Variants in MTA3 observed in about 807,000 individuals in gnomAD.
The protein encoded by MTA3 is metastasis-associated protein MTA3.
In MTA3, 34 loss-of-function variants were observed where a neutral mutation model predicts 83.5. That is an observed-to-expected ratio of 0.41 (90% CI 0.31 to 0.54). MTA3 has a LOEUF of 0.54. MTA3 is among the 20% of genes least tolerant of loss of function. The pLI is 0.33. For missense variants in MTA3, 761 were observed against 726.4 expected (o/e 1.05, Z -0.55); for synonymous variants, 303 against 252.7 (o/e 1.20, Z -1.89).
At chr2:42,650,967 A>G (rs1204756553) in intron 6 of MTA3, among the ~76,000 whole-genome samples, 1 of 152,202 alleles carries the variant, frequency 6.6e-6, no homozygotes, top group Non-Finnish European at 1.5e-5. Context: ...TGCCAACATC[A>G]TAGAGCGTAA....
chr2:42,720,866 C>T lies in MTA3; in HGVS notation c.1612+1792C>T, dbSNP rs185847584. Among the ~76,000 whole-genome samples, 67 of 147,542 alleles carry T rather than the reference C, an allele frequency of 4.5e-4. 1 individual carries two copies. In the East Asian group the frequency reaches 0.01, roughly 23 times the overall value. ...AGGAGACTGAGGTGGGAGGATTGAC[C>T]GCTTGAGCCCAGGAGGCAGAGGTTG... On this transcript the variant is annotated intron_variant, in intron 15 of 16. Coordinates refer to ENST00000405094, the MANE Select transcript of MTA3 (RefSeq NM_001330442.2).
chr2:42,655,977 A>G lies in MTA3; in HGVS notation c.500-223A>G, dbSNP rs568476839. The stretch of plus-strand genomic sequence containing the variant: ...ACATACAGCTACTCCAGAAATAAAC[A>G]TTAAGGACTAAATGAAGATACCTTT... On this transcript the variant is annotated intron_variant, in intron 6 of 16. Transcript: ENST00000405094. Among the ~76,000 whole-genome samples, 12 of 152,352 alleles carry G rather than the reference A, an allele frequency of 7.9e-5. No individual in the cohort carries two copies. In the South Asian group the frequency reaches 8.3e-4, roughly 11 times the overall value.
intron 8 of MTA3, among the ~76,000 whole-genome samples, chr2:42,669,950 G>C (rs919996674): frequency 2.0e-5 from 3 of 152,176 alleles, no homozygotes; most frequent in Admixed American, 1.3e-4. Context: ...GTATGAGTTA[G>C]TGGAAGGCTT....
intron 9 of MTA3, among the ~76,000 whole-genome samples, chr2:42,683,940 T>C (rs1478007560): frequency 6.6e-5 from 10 of 152,162 alleles, no homozygotes; most frequent in African/African-American, 2.4e-4. Flanking sequence ...AATTTTTTTT[T>C]CCTCAGCTTT....
chr2:42,551,773 T>TCTGTCACCGAGG (rs201513783), intron 2 of MTA3, among the ~76,000 whole-genome samples: 2,077 of 151,248 alleles, frequency 0.014, 52 homozygotes, highest in African/African-American at 0.047. Flanking sequence ...GGAGTTTCGC[T>TCTGTCACCGAGG]CTGGAGTGCA....
At chr2:42,682,624 A>G (rs1335776049) in intron 9 of MTA3, 35 bp downstream of exon 9, 1 of 1,542,584 alleles carries the variant, frequency 6.5e-7, no homozygotes, top group African/African-American at 1.4e-5. Flanking sequence ...TAAAATGTTG[A>G]GATGGGAATA....
At chr2:42,670,493 G>C (rs1573556422) in intron 8 of MTA3, among the ~76,000 whole-genome samples, 1 of 152,106 alleles carries the variant, frequency 6.6e-6, no homozygotes, top group Non-Finnish European at 1.5e-5. Flanking sequence ...CTGAGCAGAG[G>C]TGATTGGCTT....
chr2:42,722,122 T>A (rs1389234899), intron 15 of MTA3, among the ~76,000 whole-genome samples: 1 of 152,210 alleles, frequency 6.6e-6, no homozygotes, highest in Non-Finnish European at 1.5e-5. Flanking sequence ...ATCAGTGAGC[T>A]GCTAAGCTTT....
chr2:42,748,149 C>T (rs191764180), intron 16 of MTA3, among the ~76,000 whole-genome samples: 14 of 151,906 alleles, frequency 9.2e-5, no homozygotes, highest in African/African-American at 2.9e-4. Flanking sequence ...CTGCCTCAGC[C>T]TCCTGAGTAG....
At chr2:42,656,345 T>A in intron 7 of MTA3, 43 bp downstream of exon 7, 1 of 1,277,986 alleles carries the variant, frequency 7.8e-7, no homozygotes, top group South Asian at 1.4e-5. Flanking sequence ...AATTTCTTTA[T>A]ATAAAAGAAT....
rs865914233 is a variant in MTA3, at chr2:42,683,560, G to A, written c.891+971G>A. Among the ~76,000 whole-genome samples, 15 of 152,118 alleles carry A rather than the reference G, an allele frequency of 9.9e-5. No individual in the cohort carries two copies. The Middle Eastern group carries it at 0.01, about 103-fold the overall frequency. On this transcript the variant is annotated intron_variant, in intron 9 of 16. Transcript: ENST00000405094. ...ACATTGTCATATATAATAATTATACGACTCACCATAATGGAGAATCAGTGA... is the reference window on the plus strand; with the variant it reads ...ACATTGTCATATATAATAATTATACAACTCACCATAATGGAGAATCAGTGA...
At chr2:42,658,071 CAAAAAAAAAAA>C (rs59628946) in intron 7 of MTA3, among the ~76,000 whole-genome samples, 3 of 51,918 alleles carry the variant, frequency 5.8e-5, no homozygotes, top group African/African-American at 7.9e-5. Flanking sequence ...GACTCTGTCT[CAAAAAAAAAAA>C]AAAAAAAAAA....
intron 4 of MTA3, among the ~76,000 whole-genome samples, chr2:42,638,777 A>C (rs189117652): frequency 1.3e-5 from 2 of 151,784 alleles, no homozygotes; most frequent in Admixed American, 1.3e-4. Flanking sequence ...CTTTATAAAC[A>C]CTTCCAGTAA....
At chr2:42,525,570 C>T (rs902927642) in intron 2 of MTA3, among the ~76,000 whole-genome samples, 1 of 147,774 alleles carries the variant, frequency 6.8e-6, no homozygotes, top group African/African-American at 2.5e-5. Flanking sequence ...TCCTTCCTTT[C>T]CTTCCTTCCC....
intron 14 of MTA3, among the ~76,000 whole-genome samples, chr2:42,711,764 G>A (rs2104515563): frequency 7.0e-6 from 1 of 142,166 alleles, no homozygotes; most frequent in East Asian, 2.0e-4. Context: ...TCTACTGGGA[G>A]TGTATAGGAG....
intron 2 of MTA3, among the ~76,000 whole-genome samples, chr2:42,506,308 G>T (rs1227654740): frequency 6.6e-6 from 1 of 151,770 alleles, no homozygotes; most frequent in Middle Eastern, 3.2e-3. Flanking sequence ...GAAATTATCT[G>T]CATGTGGTGG....
intron 2 of MTA3, among the ~76,000 whole-genome samples, chr2:42,499,367 T>C (rs1674294333): frequency 1.3e-5 from 2 of 151,338 alleles, no homozygotes; most frequent in South Asian, 2.1e-4. Context: ...GGTTTCTCCA[T>C]GTTGGTCAGG....
At chr2:42,709,279 G>C (rs199802368) in intron 14 of MTA3, 183 bp downstream of exon 14, 2 of 1,282,292 alleles carry the variant, frequency 1.6e-6, no homozygotes, top group Admixed American at 7.1e-5. Flanking sequence ...TGCCAACCTG[G>C]AAAAAAAAAA....
intron 16 of MTA3, among the ~76,000 whole-genome samples, chr2:42,732,617 T>C (rs1276838479): frequency 1.3e-5 from 2 of 152,242 alleles, no homozygotes; most frequent in African/African-American, 4.8e-5. Flanking sequence ...CTTATGCAAA[T>C]TTCTACAGCC....
Sources: allele counts gnomAD v4.1 joint callset (sites outside exome capture counted in the v4.1 genomes callset), GRCh38; gene constraint gnomAD v4.1.1; transcripts MANE v1.5; gene names NCBI Gene and HGNC (gene_info 2026-07-23, HGNC 2026-07-21).